Variants in DDX10 observed in about 807,000 individuals in gnomAD.
DDX10 encodes probable ATP-dependent RNA helicase DDX10.
In DDX10, 74 loss-of-function variants were observed where a neutral mutation model predicts 104.3. The observed-to-expected ratio is 0.71, with a 90% confidence interval of 0.59 to 0.86. The LOEUF (loss-of-function observed/expected upper bound fraction) is 0.86, where lower values mean the gene tolerates loss of function less well. Ranked by LOEUF, DDX10 falls within the 40% of genes least tolerant of loss-of-function variation. DDX10 has a pLI of 0.00. For synonymous variants in DDX10, 351 were observed against 353.4 expected (o/e 0.99, Z 0.08); for missense variants, 952 against 1,040.0 (o/e 0.92, Z 1.16).
chr11:108,800,494 A>G (rs1862006237), intron 13 of DDX10, among the ~76,000 whole-genome samples: 1 of 148,224 alleles, frequency 6.7e-6, no homozygotes, highest in African/African-American at 2.5e-5. Flanking sequence ...CTTGTTCTCC[A>G]TTTGGCTATG....
intron 17 of DDX10, among the ~76,000 whole-genome samples, chr11:108,925,468 G>C (rs1443833111): frequency 6.6e-6 from 1 of 152,156 alleles, no homozygotes; most frequent in Non-Finnish European, 1.5e-5. Flanking sequence ...TTGCTAGTAG[G>C]GTTCTCTGGC....
chr11:108,747,586 C>T (rs1253442129), intron 13 of DDX10, among the ~76,000 whole-genome samples: 1 of 152,056 alleles, frequency 6.6e-6, no homozygotes, highest in Non-Finnish European at 1.5e-5. Flanking sequence ...CCTTGACAGT[C>T]CCTTTAATTT....
intron 13 of DDX10, among the ~76,000 whole-genome samples, chr11:108,793,121 T>G (rs973245245): frequency 1.3e-5 from 2 of 152,202 alleles, no homozygotes; most frequent in Non-Finnish European, 2.9e-5. Flanking sequence ...GCAAGGGGTC[T>G]AGAGGGACTG....
At chr11:108,791,104 G>A (rs1232332221) in intron 13 of DDX10, among the ~76,000 whole-genome samples, 3 of 152,228 alleles carry the variant, frequency 2.0e-5, no homozygotes, top group East Asian at 3.8e-4. Context: ...ATACTAGTGT[G>A]ACTTCCTAGA....
At chr11:108,834,596 A>G (rs1357428027) in intron 13 of DDX10, among the ~76,000 whole-genome samples, 6 of 152,258 alleles carry the variant, frequency 3.9e-5, no homozygotes, top group Middle Eastern at 3.4e-3. Context: ...TTATGTGATT[A>G]TAATTTACTA....
chr11:108,682,687 C>T (rs1446013921), intron 6 of DDX10, among the ~76,000 whole-genome samples: 3 of 152,200 alleles, frequency 2.0e-5, no homozygotes, highest in African/African-American at 4.8e-5. Context: ...ACTGTTATCA[C>T]TGTTTGCAAC....
intron 13 of DDX10, among the ~76,000 whole-genome samples, chr11:108,803,597 A>AG (rs1491415299): frequency 6.3e-5 from 8 of 126,588 alleles, no homozygotes; most frequent in Admixed American, 1.8e-4. Flanking sequence ...AAAAAAAAAA[A>AG]AAAAAGAAAA....
chr11:108,793,596 C>G (rs1861899831), intron 13 of DDX10, among the ~76,000 whole-genome samples: 2 of 152,170 alleles, frequency 1.3e-5, no homozygotes, highest in African/African-American at 4.8e-5. Flanking sequence ...ATATTTCCAA[C>G]TGTGAATTGC....
intron 13 of DDX10, among the ~76,000 whole-genome samples, chr11:108,748,287 C>T (rs1005445034): frequency 1.3e-5 from 2 of 152,108 alleles, no homozygotes; most frequent in African/African-American, 2.4e-5. Context: ...GACTTCTGAA[C>T]GAGAGAGAGC....
chr11:108,829,348 T>C (rs1862439181), intron 13 of DDX10, among the ~76,000 whole-genome samples: 1 of 152,228 alleles, frequency 6.6e-6, no homozygotes, highest in Admixed American at 6.5e-5. Context: ...CTCTGATAAC[T>C]AGTGATGCTG....
chr11:108,894,086 T>G (rs937005414), intron 16 of DDX10, among the ~76,000 whole-genome samples: 3 of 152,020 alleles, frequency 2.0e-5, no homozygotes, highest in African/African-American at 7.2e-5. Flanking sequence ...ACTGCACAAA[T>G]GAATTTTATG....
chr11:108,827,136 G>A (rs1291427109), intron 13 of DDX10, among the ~76,000 whole-genome samples: 1 of 152,154 alleles, frequency 6.6e-6, no homozygotes, highest in Admixed American at 6.5e-5. Flanking sequence ...ACTCACAATT[G>A]TTCTGAACAT....
At chr11:108,771,268 G>A (rs942769016) in intron 13 of DDX10, among the ~76,000 whole-genome samples, 2 of 152,024 alleles carry the variant, frequency 1.3e-5, no homozygotes, top group East Asian at 3.9e-4. Flanking sequence ...TTGTCAGATG[G>A]GTAGTTTGCC....
chr11:108,755,740 G>C (rs10789678), intron 13 of DDX10, among the ~76,000 whole-genome samples: 70,962 of 151,846 alleles, frequency 0.47, 19,602 homozygotes, highest in Non-Finnish European at 0.61. Context: ...AAAACTTAGA[G>C]TTCAAACCTT....
At chr11:108,679,320 C>G in intron 5 of DDX10, 51 bp from the exon 6 acceptor site, 1 of 1,449,970 alleles carries the variant, frequency 6.9e-7, no homozygotes, top group Non-Finnish European at 9.3e-7. Context: ...TTGCATTTAG[C>G]CTAATGTATA....
intron 16 of DDX10, among the ~76,000 whole-genome samples, chr11:108,875,863 C>A (rs962597541): frequency 1.3e-5 from 2 of 152,064 alleles, no homozygotes; most frequent in African/African-American, 4.8e-5. Flanking sequence ...AATGAAACTC[C>A]GGGAAGTATC....
chr11:108,822,557 T>C (rs191843487), intron 13 of DDX10: 1 of 210,718 alleles, frequency 4.7e-6, no homozygotes, highest in African/African-American at 2.4e-5. Flanking sequence ...CTATGGAGAT[T>C]AGGCCCAGTC....
intron 13 of DDX10, chr11:108,767,384 T>C (rs2094357585): frequency 6.6e-6 from 1 of 152,220 alleles, no homozygotes; most frequent in Admixed American, 6.5e-5. Context: ...TATTCAGGCA[T>C]CGTAGACTTG....
At position 108,677,101 on chromosome 11, in the gene DDX10, A is replaced by G. The variant is rs2094226415; in HGVS notation, c.395A>G (p.Tyr132Cys). 6 of 1,611,906 alleles carry G rather than the reference A, an allele frequency of 3.7e-6. No homozygotes were observed. The highest frequency in any genetic ancestry group is 5.1e-6 in the Non-Finnish European group (6 of 1,178,702). The change falls in exon 4 of 18, where the codon TAT (tyrosine) becomes TGT (cysteine). Residue 132 changes from tyrosine (Y) to cysteine (C), a missense_variant. Physicochemically the swap from Tyr to Cys is radical, Grantham distance 194 (BLOSUM62 -2). Around this residue, in one of 3 missense-constraint regions of DDX10, gnomAD observed 412 missense variants for 479.2 expected, o/e 0.86. Coordinates refer to ENST00000322536, the MANE Select transcript of DDX10 (RefSeq NM_004398.4). ...CTTTTTGAGGTGCTGGAAGCCTTAT[A>G]TCGTCTGCAATGGACTTCAACAGAT... ...AFLVPVLEAL[Y>C]RLQWTSTDGL...
Sources: allele counts gnomAD v4.1 joint callset (sites outside exome capture counted in the v4.1 genomes callset), GRCh38; gene constraint gnomAD v4.1.1; regional missense constraint gnomAD v4.1.1; transcripts MANE v1.5; gene names NCBI Gene and HGNC (gene_info 2026-07-23, HGNC 2026-07-21).